The following CDC42BPB variants were observed in gnomAD, a reference collection of about 807,000 sequenced individuals.
The protein encoded by CDC42BPB is CDC42 binding protein kinase beta, also known as serine/threonine-protein kinase MRCK beta.
A neutral mutation model predicts 214.9 loss-of-function variants in CDC42BPB; 37 were observed. The observed-to-expected ratio is 0.17, with a 90% CI of 0.13 to 0.23. The LOEUF (loss-of-function observed/expected upper bound fraction) is 0.23, where lower values mean the gene tolerates loss of function less well. CDC42BPB is among the 10% of genes least tolerant of loss of function. The probability of loss-of-function intolerance (pLI) is 1.00; values close to 1 mark genes in which losing one functional copy is unlikely to be tolerated. For missense variants in CDC42BPB, 1,694 were observed against 2,227.0 expected (o/e 0.76, Z 4.82); for synonymous variants, 931 against 884.0 (o/e 1.05, Z -0.94).
chr14:103,017,907 T>C (rs889708873), intron 1 of CDC42BPB, among the ~76,000 whole-genome samples: 1 of 152,234 alleles, frequency 6.6e-6, no homozygotes, highest in Non-Finnish European at 1.5e-5. Context: ...ACCGTGGTTA[T>C]GTAGAATATC....
At position 102,975,688 on chromosome 14, in the gene CDC42BPB, T is replaced by C. The variant is rs766277875; in HGVS notation, c.1503A>G (p.Ile501Met). 4 of 1,613,946 alleles carry C rather than the reference T, an allele frequency of 2.5e-6. No individual in the cohort carries two copies. Among genetic ancestry groups the C allele is most frequent in the Non-Finnish European group, 3.4e-6 (4 of 1,179,910 alleles). ...NEEIERLKNK[I>M]ADSNRLERQL... ...GTCACACTTTTAAACACATACCTGC[T>C]ATTTTATTCTTCAAGCGTTCGATTT... is the stretch of plus-strand genomic sequence containing the variant. The change falls in exon 11 of 37, where the codon ATA becomes ATG. Residue 501 changes from isoleucine (I) to methionine (M), a missense_variant. Ile to Met is a conservative substitution (Grantham distance 10). Transcript: ENST00000361246.
intron 7 of CDC42BPB, among the ~76,000 whole-genome samples, chr14:102,982,336 G>C (rs1240184605): frequency 6.6e-6 from 1 of 152,198 alleles, no homozygotes; most frequent in African/African-American, 2.4e-5. Flanking sequence ...CCCTGTGAGA[G>C]CGAACTGTGG....
At chr14:103,009,692 C>T (rs1886042716) in intron 2 of CDC42BPB, among the ~76,000 whole-genome samples, 1 of 152,228 alleles carries the variant, frequency 6.6e-6, no homozygotes, top group Non-Finnish European at 1.5e-5. Context: ...GTGCCTCTCC[C>T]TCCCTCCTAA....
rs578182810 is a variant in CDC42BPB, at chr14:102,939,487, A to G, written c.4827+123T>C. ...GACGGGCTTGTGTGACAGGAGCGCC[A>G]GGTCAGAGCACAGCGCCAGCCTCGC... On this transcript the variant is annotated intron_variant, in intron 34 of 36. Transcript: ENST00000361246. The G allele has an allele frequency of 4.8e-4, 340 of 705,200 alleles. No individual in the cohort carries two copies. In the African/African-American group the frequency reaches 4.9e-3, roughly 10 times the overall value. 43.7% of individuals were successfully genotyped at this position (705,200 alleles called of 1,614,324 possible).
chr14:102,949,721 G>A, intron 26 of CDC42BPB, 44 bp downstream of exon 26: 3 of 1,610,168 alleles, frequency 1.9e-6, no homozygotes, highest in Non-Finnish European at 2.5e-6. Flanking sequence ...AAAGATAGCT[G>A]AGGAAGATTC....
In CDC42BPB at chr14:103,033,899, G is replaced by T. The variant is rs1451007698; in HGVS notation, c.176-21711C>A. ...GGCAGGAAAATCAGCCCCACGCCTG[G>T]TGTATTTGCCATGAGTACGTTTGTT... On this transcript the variant is annotated intron_variant, in intron 1 of 36. Coordinates refer to ENST00000361246, the MANE Select transcript of CDC42BPB (RefSeq NM_006035.4). Among the ~76,000 whole-genome samples, 3 of 152,186 alleles carry T rather than the reference G, an allele frequency of 2.0e-5. No individual in the cohort carries two copies. In the East Asian group the frequency reaches 5.8e-4, roughly 29 times the overall value.
intron 5 of CDC42BPB, among the ~76,000 whole-genome samples, chr14:102,987,788 A>AACACAC (rs57579935): frequency 0.054 from 7,666 of 140,708 alleles, 290 homozygotes; most frequent in African/African-American, 0.086. Flanking sequence ...CAAACACACA[A>AACACAC]ACACACACAC....
intron 1 of CDC42BPB, among the ~76,000 whole-genome samples, chr14:103,040,134 C>T (rs913724856): frequency 1.3e-5 from 2 of 152,152 alleles, no homozygotes; most frequent in Non-Finnish European, 2.9e-5. Context: ...GTGGGTGGAT[C>T]GCCTGAGGTC....
At chr14:102,988,023 C>A (rs1287268054) in intron 5 of CDC42BPB, among the ~76,000 whole-genome samples, 1 of 151,860 alleles carries the variant, frequency 6.6e-6, no homozygotes, top group Non-Finnish European at 1.5e-5. Context: ...ACGCACTAGA[C>A]AAAAGCATGC....
In CDC42BPB at chr14:102,954,252, C is replaced by G; in HGVS notation, c.3012G>C (p.Arg1004Ser). ...TGGTGGGCAACGGCACAGCGGATGG[C>G]CTCTGCGGGGGCCGAGCCATGTCCT... ...QQEDMARPPQ[R>S]PSAVPLPTTQ... The change falls in exon 23 of 37, where the codon AGG becomes AGC. Residue 1004 changes from arginine to serine, a missense_variant. Around this residue, in one of 7 missense-constraint regions of CDC42BPB, gnomAD observed 156 missense variants for 154.5 expected, o/e 1.01. Transcript: ENST00000361246. The G allele has an allele frequency of 2.6e-6, 4 of 1,538,980 alleles. No individual in the cohort carries two copies. The highest frequency in any genetic ancestry group is 3.5e-6 in the Non-Finnish European group (4 of 1,143,944).
intron 21 of CDC42BPB, chr14:102,956,477 C>T (rs1184467510): frequency 7.3e-6 from 7 of 964,224 alleles, no homozygotes; most frequent in Middle Eastern, 5.3e-4. Context: ...TCTAACAGAC[C>T]CAGCCCCTGA....
chr14:102,987,788 A>ACACACACACAC (rs1894312194), intron 5 of CDC42BPB, among the ~76,000 whole-genome samples: 42 of 140,840 alleles, frequency 3.0e-4, no homozygotes, highest in African/African-American at 1.1e-3. Context: ...CAAACACACA[A>ACACACACACAC]ACACACACAC....
chr14:103,051,475 A>C (rs998459703), intron 1 of CDC42BPB, among the ~76,000 whole-genome samples: 5 of 151,032 alleles, frequency 3.3e-5, no homozygotes, highest in Middle Eastern at 7.0e-3. Context: ...AAAGCATTTG[A>C]CAGTTTCACT....
At chr14:102,977,333 C>T (rs761050099) in intron 9 of CDC42BPB, among the ~76,000 whole-genome samples, 12 of 104,106 alleles carry the variant, frequency 1.2e-4, no homozygotes, top group East Asian at 7.5e-4. Flanking sequence ...AGCGAGACTC[C>T]GTCTCCAAAA....
rs1892246424 is a variant in CDC42BPB, at chr14:102,947,686, GT to G, written c.3531+34del. The G allele has an allele frequency of 2.6e-6, 4 of 1,536,012 alleles. No homozygotes were observed. In the African/African-American group the frequency reaches 5.4e-5, roughly 21 times the overall value. On this transcript the variant is annotated intron_variant, in intron 27 of 36. Coordinates refer to ENST00000361246, the MANE Select transcript of CDC42BPB (RefSeq NM_006035.4). ...GCCTAGAACAATCAGTTTTAACCAT[GT>G]GCTTTGTTAAAAAGATTAATGAAAA...
At chr14:103,036,213 C>T (rs1051855011) in intron 1 of CDC42BPB, among the ~76,000 whole-genome samples, 15 of 147,928 alleles carry the variant, frequency 1.0e-4, no homozygotes, top group East Asian at 2.0e-4. Context: ...ACTGCAGTGG[C>T]GCGATCTCAG....
intron 1 of CDC42BPB, among the ~76,000 whole-genome samples, chr14:103,044,605 A>G (rs904302938): frequency 6.6e-6 from 1 of 151,890 alleles, no homozygotes; most frequent in African/African-American, 2.4e-5. Context: ...TCCTGACCTC[A>G]TGATCCGCCA....
intron 7 of CDC42BPB, 151 bp from the exon 8 acceptor site, chr14:102,981,172 A>T (rs1378348373): frequency 6.9e-7 from 1 of 1,444,154 alleles, no homozygotes; most frequent in Non-Finnish European, 9.1e-7. Context: ...ATAAATTTCC[A>T]TTCCCAAAAG....
intron 1 of CDC42BPB, among the ~76,000 whole-genome samples, chr14:103,047,081 C>T (rs1444382379): frequency 6.6e-6 from 1 of 151,432 alleles, no homozygotes; most frequent in Admixed American, 6.6e-5. Flanking sequence ...GTAAGGAGTT[C>T]GAGAACAGCT....
Sources: gnomAD v4.1 joint callset for allele counts (sites outside exome capture counted in the v4.1 genomes callset) on GRCh38, gnomAD v4.1.1 for gene constraint, gnomAD v4.1.1 regional missense constraint, MANE v1.5 for transcripts, NCBI Gene and HGNC (gene_info 2026-07-23, HGNC 2026-07-21) for gene names.